Variants in SH3D19 observed in about 807,000 individuals in gnomAD.
The protein encoded by SH3D19 is SH3 domain-containing protein 19.
A neutral mutation model predicts 112.1 loss-of-function variants in SH3D19; 58 were observed. The observed-to-expected ratio is 0.52, with a 90% CI of 0.42 to 0.64. The LOEUF (loss-of-function observed/expected upper bound fraction) is 0.64, where lower values mean the gene tolerates loss of function less well. Ranked by LOEUF, SH3D19 falls within the 30% of genes least tolerant of loss-of-function variation. SH3D19 has a pLI of 0.00. For missense variants in SH3D19, 1,090 were observed against 1,263.4 expected, an observed-to-expected ratio of 0.86 and a Z score of 2.08; for synonymous variants, 391 against 448.5, an observed-to-expected ratio of 0.87 and a Z score of 1.62.
intron 11 of SH3D19, chr4:151,144,343 T>G (rs957526462): frequency 6.6e-7 from 1 of 1,513,840 alleles, no homozygotes. Context: ...TCCTCTTAAG[T>G]TGCTGATCAT....
chr4:151,227,718 T>A (rs1769228179), intron 1 of SH3D19: 1 of 983,068 alleles, frequency 1.0e-6, no homozygotes, highest in Admixed American at 6.1e-5. Context: ...AGAAACTGAA[T>A]ACAGATTAGC....
chr4:151,208,681 CTTTT>C (rs35001186), intron 2 of SH3D19, among the ~76,000 whole-genome samples: 2 of 139,818 alleles, frequency 1.4e-5, no homozygotes. Context: ...CAGGAAATCT[CTTTT>C]TTTTTTTTTT....
chr4:151,158,382 C>T (rs1378937881), intron 9 of SH3D19, among the ~76,000 whole-genome samples: 2 of 152,102 alleles, frequency 1.3e-5, no homozygotes, highest in African/African-American at 4.8e-5. Context: ...TCACTGCAAC[C>T]TCTGTCTCCC....
intron 1 of SH3D19, among the ~76,000 whole-genome samples, chr4:151,297,372 G>A (rs1041052219): frequency 4.3e-4 from 65 of 152,260 alleles, no homozygotes; most frequent in African/African-American, 1.6e-3. Flanking sequence ...CCATTCTTAT[G>A]ACACTTAGCC....
chr4:151,149,586 T>C, intron 9 of SH3D19, 25 bp from the exon 10 acceptor site: 1 of 1,604,834 alleles, frequency 6.2e-7, no homozygotes, highest in Non-Finnish European at 8.5e-7. Context: ...GAATGCTTTT[T>C]AGTTAAGGTT....
chr4:151,234,015 T>C lies in SH3D19; in HGVS notation c.113-7929A>G, dbSNP rs201026411. ...GTAGTTGGTTCATGGATATATCTAA[T>C]ATTGCTGCAAAATGATGTGTCTTAA... On this transcript the variant is annotated intron_variant, in intron 1 of 19. Coordinates refer to ENST00000604030, the MANE Select transcript of SH3D19 (RefSeq NM_001378122.1). Among the ~76,000 whole-genome samples the C allele has an allele frequency of 2.6e-5, 4 of 152,244 alleles. No homozygotes were observed. The East Asian group carries it at 5.8e-4, about 22-fold the overall frequency.
chr4:151,182,669 T>A (rs1285323127), intron 3 of SH3D19, among the ~76,000 whole-genome samples: 3 of 152,212 alleles, frequency 2.0e-5, no homozygotes, highest in Non-Finnish European at 4.4e-5. Context: ...AACTGACACC[T>A]TCTGTCAGTG....
At chr4:151,196,078 G>A (rs1358313236) in intron 2 of SH3D19, among the ~76,000 whole-genome samples, 1 of 152,152 alleles carries the variant, frequency 6.6e-6, no homozygotes, top group Non-Finnish European at 1.5e-5. Context: ...ACATGAGACT[G>A]GCAGGGGACA....
chr4:151,228,170 T>A (rs938732560), intron 1 of SH3D19: 3 of 436,236 alleles, frequency 6.9e-6, no homozygotes, highest in Non-Finnish European at 9.1e-6. Context: ...GACTTGATTA[T>A]CTGCTGGGGG....
At chr4:151,253,582 A>G (rs2149979844) in intron 1 of SH3D19, among the ~76,000 whole-genome samples, 1 of 152,312 alleles carries the variant, frequency 6.6e-6, no homozygotes, top group Non-Finnish European at 1.5e-5. Context: ...CTAACTAAAA[A>G]TACAAAAAAT....
chr4:151,240,791 T>G (rs917550656), intron 1 of SH3D19, among the ~76,000 whole-genome samples: 3 of 151,970 alleles, frequency 2.0e-5, no homozygotes, highest in African/African-American at 7.3e-5. Context: ...TACTCAGGTT[T>G]ATATCAAAGA....
At chr4:151,165,149 C>G (rs1757784810) in intron 8 of SH3D19, among the ~76,000 whole-genome samples, 2 of 152,204 alleles carry the variant, frequency 1.3e-5, no homozygotes, top group Non-Finnish European at 2.9e-5. Context: ...AATCCCCAGC[C>G]TGACCAATGT....
At chr4:151,249,352 A>T (rs1423232014) in intron 1 of SH3D19, among the ~76,000 whole-genome samples, 1 of 152,242 alleles carries the variant, frequency 6.6e-6, no homozygotes, top group Non-Finnish European at 1.5e-5. Context: ...GAAAGTTATC[A>T]AGTGATCAGT....
chr4:151,318,318 A>AG lies in SH3D19; in HGVS notation c.112+6922_112+6923insC, dbSNP rs1450420127. On this transcript the variant is annotated intron_variant, in intron 1 of 19. Transcript: ENST00000604030. ...TCTGACTCAAAAAAAAAAAAAAAAA[A>AG]AAAGAAAGAAAGAAAAAGAAAAGAA... Among the ~76,000 whole-genome samples the AG allele has an allele frequency of 7.8e-3, 1,174 of 149,556 alleles. 9 individuals are homozygous for AG. Among genetic ancestry groups the AG allele is most frequent in the African/African-American group, 0.025 (988 of 40,024 alleles).
rs979940679 is a variant in SH3D19 at position 151,127,703 on chromosome 4, C to T, written c.2942G>A (p.Ser981Asn). Residue 981 changes from serine (S) to asparagine (N), a missense_variant, in exon 19 of 20, where the codon AGT becomes AAT. Ser to Asn is a conservative substitution (Grantham distance 46). Coordinates refer to ENST00000604030, the MANE Select transcript of SH3D19 (RefSeq NM_001378122.1). Reference sequence around the variant, plus strand: ...CCCCTTCGGTACTATGGCCAACATACTTTTTGCCTCAGCTGTGAAGACATA... The same window carrying T: ...CCCCTTCGGTACTATGGCCAACATATTTTTTGCCTCAGCTGTGAAGACATA... ...FVRPCPAEAKSMLAIVPKGRK... is the reference protein window; with the variant it reads ...FVRPCPAEAKNMLAIVPKGRK... 6.3e-7 allele frequency: 1 copy of T among 1,594,146 alleles called. No homozygotes were observed. The highest frequency in any genetic ancestry group is 1.4e-5 in the African/African-American group (1 of 73,594).
chr4:151,189,356 G>A (rs1762276782), intron 2 of SH3D19, among the ~76,000 whole-genome samples: 1 of 151,970 alleles, frequency 6.6e-6, no homozygotes, highest in Non-Finnish European at 1.5e-5. Context: ...CTTGTGATCT[G>A]CCCGCCTCGG....
At chr4:151,322,074 C>G (rs928375233) in intron 1 of SH3D19, among the ~76,000 whole-genome samples, 2 of 152,134 alleles carry the variant, frequency 1.3e-5, no homozygotes, top group African/African-American at 4.8e-5. Flanking sequence ...ACATGAAACC[C>G]AAACAATGGA....
rs779596427 is a variant in SH3D19, at chr4:151,144,066, CCA to C, written c.2083-18_2083-17del. 3.2e-5 allele frequency: 52 copies of C among 1,603,610 alleles called. No homozygotes were observed. Among genetic ancestry groups the C allele is most frequent in the Non-Finnish European group, 3.9e-5 (46 of 1,176,376 alleles). On this transcript the variant is annotated splice_polypyrimidine_tract_variant and intron_variant, in intron 11 of 19. Coordinates refer to ENST00000604030, the MANE Select transcript of SH3D19 (RefSeq NM_001378122.1). The stretch of plus-strand genomic sequence containing the variant: ...CATCCCCACGCTGCAAGGTACAATA[CCA>C]CTCTCTGAAGCAATTATTATTTAAT...
At chr4:151,158,547 G>T (rs751500831) in intron 9 of SH3D19, among the ~76,000 whole-genome samples, 10 of 152,030 alleles carry the variant, frequency 6.6e-5, no homozygotes, top group Non-Finnish European at 1.3e-4. Context: ...TAATCCACCC[G>T]CCTTGGCCTC....
Sources: gnomAD v4.1 joint callset for allele counts (sites outside exome capture counted in the v4.1 genomes callset) on GRCh38, gnomAD v4.1.1 for gene constraint, MANE v1.5 for transcripts, NCBI Gene and HGNC (gene_info 2026-07-23, HGNC 2026-07-21) for gene names.